The following DENND1A variants were observed in gnomAD, a reference collection of about 807,000 sequenced individuals.
DENND1A encodes DENN domain containing 1A, also known as DENN domain-containing protein 1A.
A neutral mutation model predicts 113.7 loss-of-function variants in DENND1A; 51 were observed. The ratio of observed to expected loss-of-function variants is 0.45; its 90% CI spans 0.36 to 0.57. The LOEUF (loss-of-function observed/expected upper bound fraction) is 0.57, where lower values mean the gene tolerates loss of function less well. Among genes scored for constraint, DENND1A ranks in the 20% least tolerant of loss-of-function variants. DENND1A has a pLI of 0.00. For synonymous variants in DENND1A, 565 were observed against 570.8 expected, an observed-to-expected ratio of 0.99 and a Z score of 0.14; for missense variants, 1,258 against 1,395.9, an observed-to-expected ratio of 0.90 and a Z score of 1.57.
intron 5 of DENND1A, among the ~76,000 whole-genome samples, chr9:123,684,228 T>G (rs1232936256): frequency 6.6e-6 from 1 of 152,138 alleles, no homozygotes. Flanking sequence ...CTTAAAATTG[T>G]TCAAGAATCC....
At chr9:123,410,587 G>A (rs1179010700) in intron 20 of DENND1A, among the ~76,000 whole-genome samples, 1 of 152,172 alleles carries the variant, frequency 6.6e-6, no homozygotes, top group Non-Finnish European at 1.5e-5. Context: ...CAGCGGGGAA[G>A]GGAAGGGAAG....
intron 9 of DENND1A, among the ~76,000 whole-genome samples, chr9:123,651,183 T>C (rs993331131): frequency 6.6e-6 from 1 of 151,982 alleles, no homozygotes; most frequent in African/African-American, 2.4e-5. Context: ...AAAAGTTATA[T>C]AGAAAGTTCA....
chr9:123,563,853 C>A (rs2136181799), intron 12 of DENND1A, among the ~76,000 whole-genome samples: 1 of 152,224 alleles, frequency 6.6e-6, no homozygotes, highest in South Asian at 2.1e-4. Context: ...GCCTCAAAAC[C>A]CATTCGCAAA....
At chr9:123,550,756 C>A (rs1326816275) in intron 13 of DENND1A, among the ~76,000 whole-genome samples, 1 of 152,140 alleles carries the variant, frequency 6.6e-6, no homozygotes, top group Non-Finnish European at 1.5e-5. Flanking sequence ...TTAAAAAATT[C>A]TTTCGTTCTC....
intron 4 of DENND1A, chr9:123,759,299 T>C (rs1381756264): frequency 3.3e-5 from 5 of 152,362 alleles, no homozygotes; most frequent in African/African-American, 7.2e-5. Flanking sequence ...AGAATTCACA[T>C]TGTGGTGAAG....
At chr9:123,423,544 C>A (rs1285659458) in intron 19 of DENND1A, among the ~76,000 whole-genome samples, 4 of 152,152 alleles carry the variant, frequency 2.6e-5, no homozygotes, top group Non-Finnish European at 5.9e-5. Context: ...TGCAGGAGGA[C>A]CCCCTCCCTT....
At chr9:123,779,258 G>A (rs559222435) in intron 3 of DENND1A, among the ~76,000 whole-genome samples, 10 of 152,286 alleles carry the variant, frequency 6.6e-5, no homozygotes, top group East Asian at 3.9e-4. Flanking sequence ...GTCCAATGAC[G>A]TTCCATTAGA....
intron 11 of DENND1A, among the ~76,000 whole-genome samples, chr9:123,589,954 T>C (rs942464821): frequency 6.6e-6 from 1 of 152,210 alleles, no homozygotes; most frequent in Non-Finnish European, 1.5e-5. Flanking sequence ...ACTGCATAAA[T>C]CCTCCAGGTT....
chr9:123,783,883 G>A (rs1831708231), intron 3 of DENND1A, among the ~76,000 whole-genome samples: 1 of 152,190 alleles, frequency 6.6e-6, no homozygotes, highest in Non-Finnish European at 1.5e-5. Context: ...ACAGATTGAT[G>A]AAGACACAGA....
At position 123,847,624 on chromosome 9, in the gene DENND1A, T is replaced by C. The variant is rs1231492416; in HGVS notation, c.88+31327A>G. Reference sequence around the variant, plus strand: ...TAGCCCAGATGAAAAAACTCTGAGATGCAAGAAGACATAAAGAACAAAGAA... The same window carrying C: ...TAGCCCAGATGAAAAAACTCTGAGACGCAAGAAGACATAAAGAACAAAGAA... On this transcript the variant is annotated intron_variant, in intron 2 of 23. Coordinates refer to ENST00000394215, the MANE Select transcript of DENND1A (RefSeq NM_001352964.2). 2.0e-5 allele frequency among the ~76,000 whole-genome samples: 3 copies of C among 152,190 alleles called. No individual in the cohort carries two copies. The East Asian group carries it at 5.8e-4, about 29-fold the overall frequency.
chr9:123,465,158 G>A (rs935914235), intron 13 of DENND1A, among the ~76,000 whole-genome samples: 1 of 151,072 alleles, frequency 6.6e-6, no homozygotes, highest in Non-Finnish European at 1.5e-5. Context: ...TCCAGCCTGG[G>A]CAACAGAGCA....
intron 19 of DENND1A, among the ~76,000 whole-genome samples, chr9:123,415,594 G>A (rs964794591): frequency 1.3e-5 from 2 of 152,182 alleles, no homozygotes; most frequent in African/African-American, 4.8e-5. Context: ...CTCAGATTTC[G>A]GACACTAGAA....
intron 9 of DENND1A, among the ~76,000 whole-genome samples, chr9:123,645,317 A>G (rs2062258080): frequency 6.6e-6 from 1 of 152,152 alleles, no homozygotes; most frequent in African/African-American, 2.4e-5. Flanking sequence ...ATCAAACACA[A>G]TTGAGAAGAA....
chr9:123,888,104 G>C (rs886552182), intron 1 of DENND1A, among the ~76,000 whole-genome samples: 4 of 152,072 alleles, frequency 2.6e-5, no homozygotes, highest in African/African-American at 9.7e-5. Flanking sequence ...CCTCTAAAAG[G>C]AACCAGGGCT....
intron 13 of DENND1A, 27 bp from the exon 14 acceptor site, chr9:123,457,924 G>A: frequency 6.4e-7 from 1 of 1,567,388 alleles, no homozygotes; most frequent in Non-Finnish European, 8.7e-7. Context: ...GGAGAGGTGG[G>A]TCAGTGGCAC....
Position 123,660,297 on chromosome 9 carries a change from G to A in DENND1A, c.507+6729C>T, listed in dbSNP as rs146345614. On this transcript the variant is annotated intron_variant, in intron 8 of 23. Transcript: ENST00000394215. ...AAACAAACAACGCTAGCCTTTTACT[G>A]GTTTGCAAAGGAGGATTTAGGGACA... 3.4e-3 allele frequency among the ~76,000 whole-genome samples: 524 copies of A among 152,238 alleles called. 5 individuals are homozygous for A. The highest frequency in any genetic ancestry group is 3.2e-3 in the Non-Finnish European group (217 of 68,028).
intron 1 of DENND1A, among the ~76,000 whole-genome samples, chr9:123,886,646 AG>A (rs1244515384): frequency 1.3e-5 from 2 of 152,330 alleles, no homozygotes; most frequent in African/African-American, 4.8e-5. Context: ...ACAAGCAAAA[AG>A]GTAGTGTTAA....
chr9:123,489,552 A>G (rs2051188388), intron 13 of DENND1A, among the ~76,000 whole-genome samples: 1 of 152,254 alleles, frequency 6.6e-6, no homozygotes, highest in South Asian at 2.1e-4. Context: ...GTGGTACCGA[A>G]GGCCCCAGTT....
chr9:123,480,441 C>G (rs2050244816), intron 13 of DENND1A, among the ~76,000 whole-genome samples: 1 of 152,246 alleles, frequency 6.6e-6, no homozygotes, highest in Non-Finnish European at 1.5e-5. Context: ...TGCTACAGGC[C>G]TGGAGCTTCC....
Sources: allele counts gnomAD v4.1 joint callset (sites outside exome capture counted in the v4.1 genomes callset), GRCh38; gene constraint gnomAD v4.1.1; transcripts MANE v1.5; gene names NCBI Gene and HGNC (gene_info 2026-07-23, HGNC 2026-07-21).